The following LRP1B variants were observed in gnomAD, a reference collection of about 807,000 sequenced individuals.
LRP1B encodes the protein LDL receptor related protein 1B, also known as low-density lipoprotein receptor-related protein 1B.
Under a neutral mutation model 556.6 loss-of-function variants are expected in LRP1B, and 217 were observed. The ratio of observed to expected loss-of-function variants is 0.39; its 90% CI spans 0.35 to 0.44. LRP1B has a LOEUF of 0.44. Among genes scored for constraint, LRP1B ranks in the 20% least tolerant of loss-of-function variants. The pLI is 1.00. For missense variants in LRP1B, 5,053 were observed against 5,620.8 expected (o/e 0.90, Z 3.23); for synonymous variants, 2,047 against 1,865.8 (o/e 1.10, Z -2.50).
chr2:140,456,514 T>C lies in LRP1B; in HGVS notation c.9904A>G (p.Thr3302Ala), dbSNP rs1052671196. The C allele has an allele frequency of 6.2e-7, 1 of 1,613,466 alleles. No homozygotes were observed. Among genetic ancestry groups the C allele is most frequent in the Non-Finnish European group, 8.5e-7 (1 of 1,179,592 alleles). Residue 3302 changes from threonine (T) to alanine (A), a missense_variant, in exon 62 of 91, where the codon ACT (threonine) becomes GCT (alanine). Coordinates refer to ENST00000389484, the MANE Select transcript of LRP1B (RefSeq NM_018557.3). ...PGKTHTCACP[T>A]NFYLAADNRT... The stretch of plus-strand genomic sequence containing the variant: ...TTATCAGCTGCCAGATAGAAGTTAG[T>C]GGGACATGCACAAGTGTGGGTTTTT...
intron 3 of LRP1B, among the ~76,000 whole-genome samples, chr2:141,314,676 A>T (rs1044717482): frequency 1.3e-5 from 2 of 150,768 alleles, no homozygotes; most frequent in East Asian, 3.9e-4. Context: ...TGGTAGTCCC[A>T]CCTAATCGGG....
chr2:140,411,828 A>G (rs535185924), intron 66 of LRP1B, among the ~76,000 whole-genome samples: 4 of 152,116 alleles, frequency 2.6e-5, no homozygotes, highest in Non-Finnish European at 5.9e-5. Flanking sequence ...AACCTTAACT[A>G]TCTTATTATC....
intron 77 of LRP1B, among the ~76,000 whole-genome samples, chr2:140,349,395 CCAT>C (rs924014603): frequency 2.6e-5 from 4 of 151,338 alleles, no homozygotes; most frequent in African/African-American, 9.8e-5. Flanking sequence ...AATGTCATTA[CCAT>C]CATCAACAGA....
At chr2:140,801,225 C>T (rs1453633742) in intron 32 of LRP1B, among the ~76,000 whole-genome samples, 1 of 152,080 alleles carries the variant, frequency 6.6e-6, no homozygotes, top group Non-Finnish European at 1.5e-5. Flanking sequence ...GACAAAAATA[C>T]TCCACTGTAT....
At chr2:140,414,488 A>G (rs1685097188) in intron 66 of LRP1B, among the ~76,000 whole-genome samples, 1 of 152,136 alleles carries the variant, frequency 6.6e-6, no homozygotes, top group African/African-American at 2.4e-5. Context: ...TTTACCTAAT[A>G]AAAATATGCC....
At chr2:140,481,289 G>T (rs11890090) in intron 59 of LRP1B, among the ~76,000 whole-genome samples, 1,710 of 152,072 alleles carry the variant, frequency 0.011, 39 homozygotes, top group African/African-American at 0.039. Flanking sequence ...ACATGTTTAT[G>T]ATCCACAATT....
At position 141,348,177 on chromosome 2, in the gene LRP1B, C is replaced by T. The variant is rs139155935; in HGVS notation, c.344-93536G>A. ...ACTGCTATGTCTGAATCAGCTTTTC[C>T]CGTTGTGTGGGTAAAAGGGAAATTT... On this transcript the variant is annotated intron_variant, in intron 3 of 90. Coordinates refer to ENST00000389484, the MANE Select transcript of LRP1B (RefSeq NM_018557.3). Among the ~76,000 whole-genome samples, 394 of 152,068 alleles carry T rather than the reference C, an allele frequency of 2.6e-3. 4 individuals are homozygous for T. The highest frequency in any genetic ancestry group is 9.0e-3 in the African/African-American group (374 of 41,464).
chr2:141,041,450 C>A (rs1698694701), intron 11 of LRP1B, among the ~76,000 whole-genome samples: 1 of 152,098 alleles, frequency 6.6e-6, no homozygotes, highest in Non-Finnish European at 1.5e-5. Context: ...TGGAAGCCAC[C>A]TGCCTTTCTT....
intron 41 of LRP1B, among the ~76,000 whole-genome samples, chr2:140,652,867 TA>T (rs376349561): frequency 0.012 from 1,821 of 152,110 alleles, 32 homozygotes; most frequent in African/African-American, 0.039. Flanking sequence ...AAATGTTACT[TA>T]AAAAAATTGT....
At chr2:140,345,243 T>C (rs1681591390) in intron 77 of LRP1B, among the ~76,000 whole-genome samples, 1 of 151,794 alleles carries the variant, frequency 6.6e-6, no homozygotes, top group African/African-American at 2.4e-5. Context: ...TTGTGCTCTC[T>C]GATGTCTGCC....
At position 141,049,353 on chromosome 2, in the gene LRP1B, G is replaced by A. The variant is rs1698971054; in HGVS notation, c.1553-131C>T. ...TGCTAAAAATTAAACTCTAAAATAT[G>A]CCAAATGTATCTTGATGCAAGAAGG... On this transcript the variant is annotated intron_variant, in intron 10 of 90. Coordinates refer to ENST00000389484, the MANE Select transcript of LRP1B (RefSeq NM_018557.3). 11 of 664,958 alleles carry A rather than the reference G, an allele frequency of 1.7e-5. No individual in the cohort carries two copies. The South Asian group carries it at 1.8e-4, about 11-fold the overall frequency. The allele number at this position is 664,958 out of a possible 1,614,324, so 41.2% of individuals were successfully genotyped here.
chr2:140,466,685 ACATAAC>A (rs1339940825), intron 60 of LRP1B, among the ~76,000 whole-genome samples: 1 of 152,198 alleles, frequency 6.6e-6, no homozygotes, highest in Non-Finnish European at 1.5e-5. Flanking sequence ...TAAAATATGT[ACATAAC>A]CAACTGACTT....
At chr2:141,356,308 T>C (rs1464584289) in intron 3 of LRP1B, among the ~76,000 whole-genome samples, 2 of 152,202 alleles carry the variant, frequency 1.3e-5, no homozygotes, top group African/African-American at 4.8e-5. Context: ...CTGGAAGCCC[T>C]GATAGTTTGT....
intron 63 of LRP1B, among the ~76,000 whole-genome samples, chr2:140,449,272 C>T (rs1421221420): frequency 1.3e-5 from 2 of 152,032 alleles, no homozygotes; most frequent in African/African-American, 4.8e-5. Flanking sequence ...AGAGTATTTA[C>T]TGTTATCATA....
At chr2:141,794,773 T>C (rs1574367357) in intron 2 of LRP1B, among the ~76,000 whole-genome samples, 1 of 152,012 alleles carries the variant, frequency 6.6e-6, no homozygotes, top group African/African-American at 2.4e-5. Context: ...CGAAATAAAG[T>C]CCTATGACCA....
chr2:140,631,669 T>A (rs1683891236), intron 41 of LRP1B, among the ~76,000 whole-genome samples: 1 of 152,140 alleles, frequency 6.6e-6, no homozygotes, highest in Non-Finnish European at 1.5e-5. Context: ...GCGACACAAT[T>A]TTAACTGGCA....
At position 140,534,572 on chromosome 2, in the gene LRP1B, A is replaced by T. The variant is rs536241612; in HGVS notation, c.7643-432T>A. On this transcript the variant is annotated intron_variant, in intron 46 of 90. Transcript: ENST00000389484. The stretch of plus-strand genomic sequence containing the variant: ...AAGGAAATAAAGCAACAAAGCACGT[A>T]TTCCTGAATCAGTGTCTCATGGAGT... 2.0e-5 allele frequency among the ~76,000 whole-genome samples: 3 copies of T among 152,300 alleles called. No homozygotes were observed. In the South Asian group the frequency reaches 6.2e-4, roughly 32 times the overall value.
At chr2:142,045,638 C>T (rs1448659567) in intron 1 of LRP1B, among the ~76,000 whole-genome samples, 1 of 151,876 alleles carries the variant, frequency 6.6e-6, no homozygotes, top group Non-Finnish European at 1.5e-5. Flanking sequence ...CAATTTCTGA[C>T]ATAATATCTA....
chr2:141,949,539 A>G (rs1022727614), intron 1 of LRP1B, among the ~76,000 whole-genome samples: 1 of 152,064 alleles, frequency 6.6e-6, no homozygotes, highest in African/African-American at 2.4e-5. Flanking sequence ...ACAGGTGCTC[A>G]CCACCATGCC....
Sources: allele counts gnomAD v4.1 joint callset (sites outside exome capture counted in the v4.1 genomes callset), GRCh38; gene constraint gnomAD v4.1.1; transcripts MANE v1.5; gene names NCBI Gene and HGNC (gene_info 2026-07-23, HGNC 2026-07-21).